Variants in PKN2 observed in about 807,000 individuals in gnomAD.
The protein encoded by PKN2 is serine/threonine-protein kinase N2.
In PKN2, 38 loss-of-function variants were observed where a neutral mutation model predicts 119.1. The observed-to-expected ratio is 0.32, with a 90% CI of 0.25 to 0.42. The LOEUF is 0.42. Ranked by LOEUF, PKN2 falls within the 10% of genes least tolerant of loss-of-function variation. The pLI is 1.00. For missense variants in PKN2, 850 were observed against 1,165.1 expected (o/e 0.73, Z 3.94); for synonymous variants, 390 against 384.9 (o/e 1.01, Z -0.15).
intron 1 of PKN2, among the ~76,000 whole-genome samples, chr1:88,697,486 A>C (rs912487147): frequency 2.0e-5 from 3 of 152,074 alleles, no homozygotes; most frequent in Non-Finnish European, 4.4e-5. Flanking sequence ...TTACTTTGCC[A>C]TTGTTTAAGT....
chr1:88,826,128 A>G (rs1446924797), intron 18 of PKN2, among the ~76,000 whole-genome samples: 2 of 152,122 alleles, frequency 1.3e-5, no homozygotes, highest in African/African-American at 4.8e-5. Context: ...TAAAATTATC[A>G]ATAAATATCC....
intron 6 of PKN2, among the ~76,000 whole-genome samples, chr1:88,772,720 G>A (rs1247345045): frequency 6.6e-6 from 1 of 152,090 alleles, no homozygotes; most frequent in Non-Finnish European, 1.5e-5. Context: ...TCATATGGTA[G>A]CTATATCTAA....
At chr1:88,692,642 G>C (rs1044211400) in intron 1 of PKN2, among the ~76,000 whole-genome samples, 1 of 152,070 alleles carries the variant, frequency 6.6e-6, no homozygotes, top group Non-Finnish European at 1.5e-5. Context: ...TTTTATGTTT[G>C]TCGGCCTTTT....
At chr1:88,827,636 T>TCCCTTCCCTCCCCTC (rs1553159968) in intron 18 of PKN2, among the ~76,000 whole-genome samples, 2 of 75,078 alleles carry the variant, frequency 2.7e-5, no homozygotes, top group African/African-American at 9.5e-5. Context: ...TCCCTTCCCT[T>TCCCTTCCCTCCCCTC]CCCTCCCCTC....
At chr1:88,815,734 T>G (rs1347975953) in intron 16 of PKN2, among the ~76,000 whole-genome samples, 1 of 152,206 alleles carries the variant, frequency 6.6e-6, no homozygotes, top group East Asian at 1.9e-4. Context: ...GATTGAAGAT[T>G]AAATAAGCTA....
chr1:88,815,143 T>G (rs1038705601), intron 16 of PKN2, among the ~76,000 whole-genome samples: 4 of 152,250 alleles, frequency 2.6e-5, no homozygotes, highest in African/African-American at 9.6e-5. Flanking sequence ...GGGAATTTGT[T>G]TGGTTTTATT....
chr1:88,732,684 C>G (rs1557573547), intron 1 of PKN2, among the ~76,000 whole-genome samples: 1 of 152,014 alleles, frequency 6.6e-6, no homozygotes, highest in Admixed American at 6.6e-5. Flanking sequence ...TAATTATTAT[C>G]TTAGGTTAGA....
At position 88,786,131 on chromosome 1, in the gene PKN2, A is replaced by T; in HGVS notation, c.1199A>T (p.Asp400Val). The stretch of plus-strand genomic sequence containing the variant: ...GATGTCTGTGCTGTTTTGAAGCTCG[A>T]TAATACTGTGGTTGGCCAAACTAGC... ...SNDVCAVLKLDNTVVGQTSWK... is the reference protein window; with the variant it reads ...SNDVCAVLKLVNTVVGQTSWK... Residue 400 changes from aspartate to valine, a missense_variant, in exon 8 of 22, where the codon GAT (aspartate) becomes GTT (valine). Coordinates refer to ENST00000370521, the MANE Select transcript of PKN2 (RefSeq NM_006256.4). The T allele has an allele frequency of 6.2e-7, 1 of 1,611,956 alleles. No individual in the cohort carries two copies. The highest frequency in any genetic ancestry group is 8.5e-7 in the Non-Finnish European group (1 of 1,178,138).
intron 3 of PKN2, among the ~76,000 whole-genome samples, chr1:88,766,457 A>G (rs1342574320): frequency 6.6e-6 from 1 of 152,208 alleles, no homozygotes; most frequent in East Asian, 1.9e-4. Flanking sequence ...TGTAAAATAA[A>G]AAACATAATT....
chr1:88,833,215 A>AT (rs1672803207), intron 21 of PKN2, 30 bp from the exon 22 acceptor site: 1 of 1,608,390 alleles, frequency 6.2e-7, no homozygotes, highest in African/African-American at 1.3e-5. Flanking sequence ...TTAACAAACT[A>AT]AACTAGTCAT....
At chr1:88,797,582 C>A (rs1452005718) in intron 8 of PKN2, among the ~76,000 whole-genome samples, 1 of 149,558 alleles carries the variant, frequency 6.7e-6, no homozygotes, top group Non-Finnish European at 1.5e-5. Context: ...GCAGAAGTTG[C>A]AGTGAGCGGA....
intron 6 of PKN2, among the ~76,000 whole-genome samples, chr1:88,775,863 T>C (rs1245666264): frequency 1.3e-5 from 2 of 152,082 alleles, no homozygotes; most frequent in African/African-American, 2.4e-5. Flanking sequence ...CTCAGCACTT[T>C]GGGAGGCCGA....
At chr1:88,808,801 A>C (rs1038274424) in intron 15 of PKN2, among the ~76,000 whole-genome samples, 1 of 152,210 alleles carries the variant, frequency 6.6e-6, no homozygotes, top group African/African-American at 2.4e-5. Flanking sequence ...TGTTAATATT[A>C]ATGGTAGACA....
chr1:88,794,620 T>C (rs748818531), intron 8 of PKN2, among the ~76,000 whole-genome samples: 10 of 152,210 alleles, frequency 6.6e-5, no homozygotes, highest in South Asian at 2.1e-4. Flanking sequence ...AACTAATTAA[T>C]GCACCTAGGA....
rs1417977432 is a variant in PKN2, at chr1:88,771,725, A to G, written c.831A>G (p.Gln277=). Residue 277 remains glutamine (Q), a synonymous_variant, in exon 6 of 22, where the codon CAA becomes CAG. Coordinates refer to ENST00000370521, the MANE Select transcript of PKN2 (RefSeq NM_006256.4). The part of the protein sequence containing the change: ...KLDLLKYSLE[Q]RLNEVPKNHP... ...ACCTTTTAAAGTATTCATTAGAGCAAAGATTAAACGAAGTCCCCAAGAATC... is the reference window on the plus strand; with the variant it reads ...ACCTTTTAAAGTATTCATTAGAGCAGAGATTAAACGAAGTCCCCAAGAATC... 5 of 1,614,028 alleles carry G rather than the reference A, an allele frequency of 3.1e-6. No individual in the cohort carries two copies. The highest frequency in any genetic ancestry group is 4.2e-6 in the Non-Finnish European group (5 of 1,179,942).
intron 1 of PKN2, among the ~76,000 whole-genome samples, chr1:88,729,057 G>A (rs1207931121): frequency 2.6e-5 from 4 of 152,010 alleles, no homozygotes; most frequent in Non-Finnish European, 5.9e-5. Flanking sequence ...ACCATGCCCG[G>A]CTAATTTTGT....
rs201117208 is a variant in PKN2, at chr1:88,741,117, C to T, written c.178C>T (p.Leu60=). Residue 60 remains leucine (L), a synonymous_variant, in exon 2 of 22, where the codon CTG becomes TTG. Coordinates refer to ENST00000370521, the MANE Select transcript of PKN2 (RefSeq NM_006256.4). The part of the protein sequence containing the change: ...DRIKREIRKE[L]KIKEGAENLR... The stretch of plus-strand genomic sequence containing the variant: ...AATTAAGAGAGAAATAAGGAAAGAA[C>T]TGAAAATCAAAGAAGGAGCTGAAAA... The T allele has an allele frequency of 1.9e-5, 31 of 1,612,434 alleles. No homozygotes were observed. The South Asian group carries it at 3.2e-4, about 17-fold the overall frequency.
intron 19 of PKN2, among the ~76,000 whole-genome samples, chr1:88,830,610 A>C (rs1024505008): frequency 2.0e-5 from 3 of 152,118 alleles, no homozygotes; most frequent in African/African-American, 7.2e-5. Flanking sequence ...GTTTATTACA[A>C]AATACTGTAG....
At chr1:88,770,624 C>T (rs537654590) in intron 4 of PKN2, among the ~76,000 whole-genome samples, 155 bp downstream of exon 4, 9 of 145,170 alleles carry the variant, frequency 6.2e-5, no homozygotes, top group Admixed American at 3.5e-4. Flanking sequence ...CTCGCTCTGT[C>T]GCCCAGGCTG....
Sources: gnomAD v4.1 joint callset for allele counts (sites outside exome capture counted in the v4.1 genomes callset) on GRCh38, gnomAD v4.1.1 for gene constraint, MANE v1.5 for transcripts, NCBI Gene and HGNC (gene_info 2026-07-23, HGNC 2026-07-21) for gene names.